The following FER variants were observed in gnomAD, a reference collection of about 807,000 sequenced individuals.
The protein encoded by FER is tyrosine-protein kinase Fer.
Under a neutral mutation model 111.0 loss-of-function variants are expected in FER, and 63 were observed. The observed-to-expected ratio is 0.57, with a 90% CI of 0.46 to 0.70. FER has a LOEUF of 0.70. FER is among the 30% of genes least tolerant of loss of function. The pLI is 0.00. For synonymous variants in FER, 327 were observed against 313.9 expected, an observed-to-expected ratio of 1.04 and a Z score of -0.44; for missense variants, 914 against 954.0, an observed-to-expected ratio of 0.96 and a Z score of 0.55.
chr5:108,977,370 C>A (rs1761495538), intron 13 of FER, among the ~76,000 whole-genome samples: 1 of 151,820 alleles, frequency 6.6e-6, no homozygotes, highest in Admixed American at 6.6e-5. Context: ...CATGACATAC[C>A]TTTTTCTTAT....
chr5:109,185,207 A>T (rs1156835357), intron 18 of FER, among the ~76,000 whole-genome samples: 2 of 152,180 alleles, frequency 1.3e-5, no homozygotes, highest in Non-Finnish European at 2.9e-5. Context: ...TACCAAAAAA[A>T]TTCTTAGAGC....
At position 109,111,134 on chromosome 5, in the gene FER, C is replaced by T. The variant is rs963260308; in HGVS notation, c.2048+10615C>T. ...TTAATAGTATCCTAGTTCATAGACC[C>T]ATTGATTTTGAGAGATAAGTAAAAT... On this transcript the variant is annotated intron_variant, in intron 17 of 19. Transcript: ENST00000281092. Among the ~76,000 whole-genome samples, 80 of 152,190 alleles carry T rather than the reference C, an allele frequency of 5.3e-4. 1 individual carries two copies. Among genetic ancestry groups the T allele is most frequent in the Non-Finnish European group, 3.5e-4 (24 of 68,002 alleles).
At chr5:109,100,077 T>G (rs758532648) in intron 16 of FER, among the ~76,000 whole-genome samples, 87 of 151,778 alleles carry the variant, frequency 5.7e-4, no homozygotes, top group Non-Finnish European at 8.9e-4. Flanking sequence ...ATTCTATAGA[T>G]TTTAGTGAAG....
At chr5:109,106,987 C>T (rs1749011941) in intron 17 of FER, among the ~76,000 whole-genome samples, 1 of 152,108 alleles carries the variant, frequency 6.6e-6, no homozygotes, top group Non-Finnish European at 1.5e-5. Context: ...TATGCAGAGA[C>T]TGTTGAGGAC....
intron 9 of FER, among the ~76,000 whole-genome samples, chr5:108,885,559 T>C (rs1293741450): frequency 6.6e-6 from 1 of 151,890 alleles, no homozygotes; most frequent in African/African-American, 2.4e-5. Context: ...TTGTGAGGAC[T>C]CTTTTCCAGA....
chr5:109,026,172 A>T (rs924731868), intron 13 of FER, among the ~76,000 whole-genome samples: 8 of 152,190 alleles, frequency 5.3e-5, no homozygotes, highest in African/African-American at 1.7e-4. Flanking sequence ...AAAAATAAGA[A>T]CCAATTAAAA....
intron 13 of FER, among the ~76,000 whole-genome samples, chr5:108,999,117 T>C (rs947483780): frequency 6.6e-6 from 1 of 152,198 alleles, no homozygotes; most frequent in African/African-American, 2.4e-5. Context: ...CATAAACTTG[T>C]AGCCTTCCTT....
intron 16 of FER, among the ~76,000 whole-genome samples, chr5:109,067,587 A>G (rs1733835762): frequency 6.6e-6 from 1 of 151,824 alleles, no homozygotes; most frequent in Non-Finnish European, 1.5e-5. Flanking sequence ...GTATATGTAG[A>G]TTTAATCTAT....
At chr5:109,145,639 A>C (rs981959319) in intron 17 of FER, among the ~76,000 whole-genome samples, 1 of 152,080 alleles carries the variant, frequency 6.6e-6, no homozygotes, top group African/African-American at 2.4e-5. Flanking sequence ...TCTAACATTC[A>C]AAAATAAAGA....
intron 5 of FER, among the ~76,000 whole-genome samples, chr5:108,858,766 A>ATTTTTTTTTT (rs75243334): frequency 1.6e-5 from 2 of 124,732 alleles, no homozygotes. Flanking sequence ...CAGTTTTTTC[A>ATTTTTTTTTT]TTTTTTTTTT....
intron 13 of FER, among the ~76,000 whole-genome samples, chr5:108,993,919 T>A (rs1238694237): frequency 6.6e-6 from 1 of 152,208 alleles, no homozygotes; most frequent in Non-Finnish European, 1.5e-5. Flanking sequence ...GCCCCTTAAA[T>A]GTCTTCTTTT....
intron 16 of FER, among the ~76,000 whole-genome samples, chr5:109,078,988 G>A (rs539872560): frequency 6.6e-6 from 1 of 152,184 alleles, no homozygotes; most frequent in South Asian, 2.1e-4. Context: ...ATTTGTTCTC[G>A]TGTATCTGCA....
At chr5:108,798,514 C>T (rs1294533837) in intron 3 of FER, 125 bp downstream of exon 3, 4 of 805,912 alleles carry the variant, frequency 5.0e-6, no homozygotes, top group Non-Finnish European at 7.8e-6. Context: ...CACAGTTTTA[C>T]AGAGTATGAA....
At chr5:108,926,216 CCTT>C (rs1029556462) in intron 10 of FER, among the ~76,000 whole-genome samples, 60 of 150,524 alleles carry the variant, frequency 4.0e-4, no homozygotes, top group African/African-American at 1.4e-3. Context: ...CTTTTATTAT[CCTT>C]CTTTAATATT....
chr5:108,793,594 G>T (rs1277606777), intron 2 of FER, among the ~76,000 whole-genome samples: 2 of 150,918 alleles, frequency 1.3e-5, no homozygotes, highest in Non-Finnish European at 2.9e-5. Context: ...TTTTGAGGAA[G>T]CTCCAAACTG....
chr5:109,128,290 T>G (rs1045520042), intron 17 of FER, among the ~76,000 whole-genome samples: 1 of 152,186 alleles, frequency 6.6e-6, no homozygotes, highest in Non-Finnish European at 1.5e-5. Context: ...ATAGTATTCT[T>G]TCAGTTCCCA....
chr5:109,178,265 AAG>A (rs1757921466), intron 17 of FER, among the ~76,000 whole-genome samples: 1 of 152,212 alleles, frequency 6.6e-6, no homozygotes, highest in Non-Finnish European at 1.5e-5. Context: ...ATGCAGCCCA[AAG>A]GAAGTAGCAT....
In FER at chr5:108,768,094, TC is replaced by T. The variant is rs1332791646; in HGVS notation, c.-203del. 1 of 152,238 alleles carries T rather than the reference TC, an allele frequency of 6.6e-6. No individual in the cohort carries two copies. Among genetic ancestry groups the T allele is most frequent in the African/African-American group, 2.4e-5 (1 of 41,472 alleles). 9.4% of individuals were successfully genotyped at this position (152,238 alleles called of 1,614,324 possible). Reference sequence around the variant, plus strand: ...GACTCCTTGAATTTCTTCTTGCAGCTCATGTTTTTTGGCTAGACCTATGACC... The same window carrying T: ...GACTCCTTGAATTTCTTCTTGCAGCTATGTTTTTTGGCTAGACCTATGACC... On this transcript the variant is annotated splice_region_variant and 5_prime_UTR_variant, in exon 2 of 20. Coordinates refer to ENST00000281092, the MANE Select transcript of FER (RefSeq NM_005246.4).
intron 3 of FER, among the ~76,000 whole-genome samples, chr5:108,822,236 C>T (rs1418381601): frequency 6.6e-6 from 1 of 152,054 alleles, no homozygotes; most frequent in Non-Finnish European, 1.5e-5. Flanking sequence ...CACACACACA[C>T]ATTTTATTTA....
Sources: gnomAD v4.1 joint callset for allele counts (sites outside exome capture counted in the v4.1 genomes callset) on GRCh38, gnomAD v4.1.1 for gene constraint, MANE v1.5 for transcripts, NCBI Gene and HGNC (gene_info 2026-07-23, HGNC 2026-07-21) for gene names.